The following ADAMTSL1 variants were observed in gnomAD, a reference collection of about 807,000 sequenced individuals.
ADAMTSL1 encodes ADAMTS-like protein 1.
ADAMTSL1 carries 126 observed loss-of-function variants against 201.8 expected under a neutral mutation model. The observed-to-expected ratio is 0.62, with a 90% CI of 0.54 to 0.72. The LOEUF is 0.72. Among genes scored for constraint, ADAMTSL1 ranks in the 30% least tolerant of loss-of-function variants. The pLI, the probability that ADAMTSL1 is intolerant of heterozygous loss-of-function variation, is 0.00. For synonymous variants in ADAMTSL1, 1,121 were observed against 903.4 expected (o/e 1.24, Z -4.32); for missense variants, 2,679 against 2,277.8 (o/e 1.18, Z -3.59).
Position 18,574,228 on chromosome 9 carries a change from A to C in ADAMTSL1, c.436A>C (p.Thr146Pro). 6.2e-7 allele frequency: 1 copy of C among 1,614,160 alleles called. No individual in the cohort carries two copies. Among genetic ancestry groups the C allele is most frequent in the South Asian group, 1.1e-5 (1 of 91,084 alleles). ...GGTCTTAGATGGTACGCGTTGCTAT[A>C]CAGAATCTTTGGATATGTGCATCAG... The part of the protein sequence containing the change: ...PKVLDGTRCY[T>P]ESLDMCISGL... Residue 146 changes from threonine (T) to proline (P), a missense_variant, in exon 4 of 29, where the codon ACA becomes CCA. By Grantham distance (38) the Thr-to-Pro change is conservative. Transcript: ENST00000380548.
chr9:18,033,793 T>C (rs1821077848), intron 1 of ADAMTSL1, among the ~76,000 whole-genome samples: 1 of 152,244 alleles, frequency 6.6e-6, no homozygotes, highest in African/African-American at 2.4e-5. Context: ...AGTATACCCA[T>C]TAACCTGAAT....
At chr9:18,381,041 C>T (rs1002909412) in intron 2 of ADAMTSL1, among the ~76,000 whole-genome samples, 3 of 152,172 alleles carry the variant, frequency 2.0e-5, no homozygotes, top group Admixed American at 6.5e-5. Flanking sequence ...AGTATTTATG[C>T]GGTCTTCTCT....
intron 2 of ADAMTSL1, among the ~76,000 whole-genome samples, chr9:18,214,520 G>A (rs1350112774): frequency 6.6e-6 from 1 of 152,212 alleles, no homozygotes; most frequent in African/African-American, 2.4e-5. Context: ...CCAACTAAAT[G>A]TTACTAAAAT....
At chr9:18,856,460 A>T (rs1256806140) in intron 23 of ADAMTSL1, among the ~76,000 whole-genome samples, 11 of 111,986 alleles carry the variant, frequency 9.8e-5, no homozygotes, top group Non-Finnish European at 1.4e-4. Context: ...GATAAGAAGG[A>T]TTTTTTTTTT....
rs1348832598 is a variant in ADAMTSL1 at position 17,990,267 on chromosome 9, G to A, written c.87+83345G>A. On this transcript the variant is annotated intron_variant, in intron 1 of 29. Coordinates refer to the ADAMTSL1 transcript ENST00000680146. ...GCAAGCTCGACCTTTGGAAAAGTTA[G>A]AGAAATAGCTCTTCTGTTTGGGATA... Among the ~76,000 whole-genome samples, 5 of 151,974 alleles carry A rather than the reference G, an allele frequency of 3.3e-5. 1 individual carries two copies. The highest frequency in any genetic ancestry group is 7.4e-5 in the Non-Finnish European group (5 of 67,932).
At chr9:18,291,640 C>A (rs916019816) in intron 2 of ADAMTSL1, among the ~76,000 whole-genome samples, 1 of 151,334 alleles carries the variant, frequency 6.6e-6, no homozygotes, top group African/African-American at 2.4e-5. Context: ...CCATTATAAT[C>A]AAGACCAAAA....
intron 2 of ADAMTSL1, among the ~76,000 whole-genome samples, chr9:18,347,926 T>C (rs904662876): frequency 6.6e-6 from 1 of 152,084 alleles, no homozygotes; most frequent in Admixed American, 6.6e-5. Context: ...TTAACAGAGG[T>C]GACCTGGAAA....
chr9:18,609,396 G>A (rs1245031958), intron 4 of ADAMTSL1, among the ~76,000 whole-genome samples: 1 of 148,078 alleles, frequency 6.8e-6, no homozygotes, highest in Non-Finnish European at 1.5e-5. Flanking sequence ...ATGCTTGCTG[G>A]TATTCCATTG....
At chr9:18,136,099 T>G (rs933501884) in intron 1 of ADAMTSL1, among the ~76,000 whole-genome samples, 1 of 152,114 alleles carries the variant, frequency 6.6e-6, no homozygotes, top group Non-Finnish European at 1.5e-5. Flanking sequence ...ATAATACTGA[T>G]GTGGAAAAAG....
At chr9:18,229,038 A>T (rs1275580059) in intron 2 of ADAMTSL1, among the ~76,000 whole-genome samples, 1 of 152,080 alleles carries the variant, frequency 6.6e-6, no homozygotes, top group East Asian at 1.9e-4. Flanking sequence ...TCATCCAAAA[A>T]TTTAACATGG....
intron 19 of ADAMTSL1, among the ~76,000 whole-genome samples, chr9:18,793,625 T>C (rs748085479): frequency 2.6e-5 from 4 of 152,184 alleles, no homozygotes; most frequent in African/African-American, 7.2e-5. Flanking sequence ...TTTTTGAAGC[T>C]TTTGAAACTA....
At chr9:18,825,010 T>A (rs1824456349) in intron 21 of ADAMTSL1, among the ~76,000 whole-genome samples, 1 of 152,112 alleles carries the variant, frequency 6.6e-6, no homozygotes, top group East Asian at 1.9e-4. Flanking sequence ...CTTTACACTT[T>A]AAGCATGCCC....
intron 2 of ADAMTSL1, among the ~76,000 whole-genome samples, chr9:18,294,795 G>A (rs1364271576): frequency 1.3e-5 from 2 of 152,180 alleles, no homozygotes; most frequent in African/African-American, 2.4e-5. Context: ...TGGAAGGTGG[G>A]TAACTGTTGG....
intron 1 of ADAMTSL1, among the ~76,000 whole-genome samples, chr9:17,981,492 T>A (rs2131465678): frequency 6.6e-6 from 1 of 152,342 alleles, no homozygotes. Context: ...TGCTGCCTTA[T>A]TTCCTGTGTG....
intron 14 of ADAMTSL1, among the ~76,000 whole-genome samples, chr9:18,713,859 C>A (rs1434938954): frequency 6.1e-5 from 9 of 148,394 alleles, no homozygotes; most frequent in Admixed American, 5.4e-4. Context: ...GTAAAGCTCT[C>A]CTCAGCAAAT....
At chr9:17,930,101 C>T (rs758980982) in intron 1 of ADAMTSL1, among the ~76,000 whole-genome samples, 17 of 152,244 alleles carry the variant, frequency 1.1e-4, no homozygotes, top group Non-Finnish European at 2.2e-4. Flanking sequence ...GAAATATTAG[C>T]TACTATAGTA....
chr9:18,318,799 ATAT>A (rs1423312080), intron 2 of ADAMTSL1, among the ~76,000 whole-genome samples: 2 of 151,998 alleles, frequency 1.3e-5, no homozygotes, highest in Non-Finnish European at 2.9e-5. Flanking sequence ...CGGCTGAAGG[ATAT>A]TATATGGATG....
intron 2 of ADAMTSL1, among the ~76,000 whole-genome samples, chr9:18,352,198 A>G (rs1429955650): frequency 6.6e-6 from 1 of 152,352 alleles, no homozygotes; most frequent in Middle Eastern, 3.4e-3. Context: ...AGCATATACT[A>G]TAGATACTGA....
At chr9:18,238,427 G>A (rs1469349735) in intron 2 of ADAMTSL1, among the ~76,000 whole-genome samples, 3 of 152,124 alleles carry the variant, frequency 2.0e-5, no homozygotes, top group African/African-American at 7.2e-5. Context: ...AGTTGTAGGG[G>A]AAGGAGCTGG....
Sources: allele counts gnomAD v4.1 joint callset (sites outside exome capture counted in the v4.1 genomes callset), GRCh38; gene constraint gnomAD v4.1.1; transcripts MANE v1.5; gene names NCBI Gene and HGNC (gene_info 2026-07-23, HGNC 2026-07-21).